Variants in LSAMP observed in about 807,000 individuals in gnomAD.
LSAMP encodes the protein limbic system associated membrane protein.
A neutral mutation model predicts 38.6 loss-of-function variants in LSAMP; 7 were observed. That is an observed-to-expected ratio of 0.18 (90% confidence interval 0.10 to 0.34). The LOEUF is 0.34. Ranked by LOEUF, LSAMP falls within the 10% of genes least tolerant of loss-of-function variation. The probability of loss-of-function intolerance (pLI) is 1.00; values close to 1 mark genes in which losing one functional copy is unlikely to be tolerated. For missense variants in LSAMP, 313 were observed against 420.0 expected (o/e 0.75, Z 2.23); for synonymous variants, 154 against 166.8 (o/e 0.92, Z 0.59).
intron 3 of LSAMP, among the ~76,000 whole-genome samples, chr3:115,934,904 T>C (rs537155811): frequency 6.6e-6 from 1 of 152,266 alleles, no homozygotes; most frequent in East Asian, 1.9e-4. Flanking sequence ...TGGGGAAGAT[T>C]TTAAAAACAC....
chr3:115,968,751 G>GCA (rs1396889070), intron 3 of LSAMP, among the ~76,000 whole-genome samples: 15 of 152,180 alleles, frequency 9.9e-5, no homozygotes, highest in African/African-American at 3.4e-4. Flanking sequence ...TCTGAGCTTA[G>GCA]CACAGCACCA....
intron 1 of LSAMP, among the ~76,000 whole-genome samples, chr3:116,325,027 C>T (rs2047751455): frequency 6.6e-6 from 1 of 151,676 alleles, no homozygotes; most frequent in African/African-American, 2.4e-5. Flanking sequence ...TTTGTTTATG[C>T]TTCTTGGCCA....
At position 116,211,479 on chromosome 3, in the gene LSAMP, T is replaced by A. The variant is rs577649943; in HGVS notation, c.156-124923A>T. ...AATATAAACAATTGTTATTTAATTT[T>A]AAAAAATTGATAAATAATAAAGCAA... On this transcript the variant is annotated intron_variant, in intron 1 of 6. Coordinates refer to ENST00000490035, the MANE Select transcript of LSAMP (RefSeq NM_002338.5). 2.5e-4 allele frequency among the ~76,000 whole-genome samples: 38 copies of A among 152,340 alleles called. No homozygotes were observed. The East Asian group carries it at 6.2e-3, about 25-fold the overall frequency.
At chr3:115,913,241 T>C (rs1476094730) in intron 3 of LSAMP, among the ~76,000 whole-genome samples, 1 of 152,338 alleles carries the variant, frequency 6.6e-6, no homozygotes, top group East Asian at 1.9e-4. Flanking sequence ...TCTTTATCAG[T>C]TGTATAATCT....
chr3:115,984,090 G>A (rs931974855), intron 3 of LSAMP, among the ~76,000 whole-genome samples: 2 of 151,778 alleles, frequency 1.3e-5, no homozygotes, highest in African/African-American at 4.8e-5. Flanking sequence ...AAAAAATCAA[G>A]AAATAAAAAC....
At chr3:115,851,376 A>C (rs969591565) in intron 4 of LSAMP, among the ~76,000 whole-genome samples, 1 of 152,150 alleles carries the variant, frequency 6.6e-6, no homozygotes, top group Non-Finnish European at 1.5e-5. Flanking sequence ...AATGGACCTG[A>C]GTCTGAATCC....
rs1940486270 is a variant in LSAMP at position 116,016,463 on chromosome 3, T to C, written c.514+3052A>G. The stretch of plus-strand genomic sequence containing the variant: ...AGAAGACTGTAGAAGAGTAAAGTTG[T>C]TTCCTTTGAGATGTCTGAAGGAGCT... On this transcript the variant is annotated intron_variant, in intron 3 of 6. Transcript: ENST00000490035. 1.3e-5 allele frequency among the ~76,000 whole-genome samples: 2 copies of C among 152,174 alleles called. 1 individual carries two copies. Among genetic ancestry groups the C allele is most frequent in the Admixed American group, 1.3e-4 (2 of 15,276 alleles).
intron 1 of LSAMP, among the ~76,000 whole-genome samples, chr3:116,112,969 A>AT (rs528068600): frequency 0.12 from 18,053 of 145,554 alleles, 3,255 homozygotes; most frequent in African/African-American, 0.4. Context: ...TCCAGTACTC[A>AT]TTTTTTTTTT....
At chr3:116,051,333 G>C (rs1446036104) in intron 2 of LSAMP, 4 of 152,152 alleles carry the variant, frequency 2.6e-5, no homozygotes, top group African/African-American at 9.7e-5. Context: ...AGCACAAAAG[G>C]GTTGATTAGT....
intron 3 of LSAMP, among the ~76,000 whole-genome samples, chr3:115,876,458 A>G (rs1438032993): frequency 6.6e-6 from 1 of 151,904 alleles, no homozygotes; most frequent in East Asian, 1.9e-4. Flanking sequence ...TTTAACTGTA[A>G]AATGGGACCA....
chr3:116,156,203 A>G (rs1320890521), intron 1 of LSAMP, among the ~76,000 whole-genome samples: 3 of 152,144 alleles, frequency 2.0e-5, no homozygotes, highest in African/African-American at 7.2e-5. Flanking sequence ...AGGAAATGAA[A>G]GAAGGGGAAA....
intron 2 of LSAMP, among the ~76,000 whole-genome samples, chr3:116,083,517 G>A (rs1009080978): frequency 1.3e-5 from 2 of 152,156 alleles, no homozygotes; most frequent in Non-Finnish European, 2.9e-5. Flanking sequence ...ACTCTGCAGA[G>A]CCCACCTTCT....
intron 3 of LSAMP, among the ~76,000 whole-genome samples, chr3:116,006,627 T>C (rs1176493846): frequency 2.0e-5 from 3 of 152,176 alleles, no homozygotes; most frequent in Non-Finnish European, 4.4e-5. Flanking sequence ...CATCTTCACC[T>C]AGATGACTCC....
intron 6 of LSAMP, among the ~76,000 whole-genome samples, chr3:115,828,234 C>T (rs997218558): frequency 1.3e-5 from 2 of 152,136 alleles, no homozygotes. Flanking sequence ...AGCCAAGGAA[C>T]AGGTTAAAAT....
At chr3:115,845,911 C>A (rs767548023) in intron 4 of LSAMP, among the ~76,000 whole-genome samples, 1 of 152,204 alleles carries the variant, frequency 6.6e-6, no homozygotes, top group African/African-American at 2.4e-5. Context: ...CAACTACTTG[C>A]TTCTCTCTTT....
At chr3:116,003,124 C>G (rs1462535054) in intron 3 of LSAMP, among the ~76,000 whole-genome samples, 1 of 152,076 alleles carries the variant, frequency 6.6e-6, no homozygotes, top group East Asian at 1.9e-4. Context: ...CGGTGTGCAA[C>G]AGTAATGAGA....
chr3:116,433,509 C>T (rs578039632), intron 1 of LSAMP, among the ~76,000 whole-genome samples: 1 of 152,268 alleles, frequency 6.6e-6, no homozygotes, highest in East Asian at 1.9e-4. Context: ...TTATTGCAAA[C>T]TCCACTGAAC....
At chr3:116,308,078 A>T (rs1344844447) in intron 1 of LSAMP, among the ~76,000 whole-genome samples, 1 of 151,950 alleles carries the variant, frequency 6.6e-6, no homozygotes, top group Non-Finnish European at 1.5e-5. Context: ...ATTTGTTTTA[A>T]ATCAACAGAA....
intron 3 of LSAMP, among the ~76,000 whole-genome samples, chr3:115,936,183 C>G (rs184144154): frequency 7.2e-5 from 11 of 152,282 alleles, no homozygotes; most frequent in Middle Eastern, 3.4e-3. Flanking sequence ...TAAAGTATCT[C>G]AGGTTTGCTT....
Sources: allele counts gnomAD v4.1 joint callset (sites outside exome capture counted in the v4.1 genomes callset), GRCh38; gene constraint gnomAD v4.1.1; transcripts MANE v1.5; gene names NCBI Gene and HGNC (gene_info 2026-07-23, HGNC 2026-07-21).